The following SLC7A1 variants were observed in gnomAD, a reference collection of about 807,000 sequenced individuals.
SLC7A1 encodes the protein high affinity cationic amino acid transporter 1.
A neutral mutation model predicts 53.9 loss-of-function variants in SLC7A1; 10 were observed. The observed-to-expected ratio is 0.19, with a 90% CI of 0.11 to 0.31. The LOEUF (loss-of-function observed/expected upper bound fraction) is 0.31. Ranked by LOEUF, SLC7A1 falls within the 10% of genes least tolerant of loss-of-function variation. The pLI is 1.00. For missense variants in SLC7A1, 525 were observed against 827.2 expected (o/e 0.63, Z 4.48); for synonymous variants, 342 against 338.7 (o/e 1.01, Z -0.11).
intron 1 of SLC7A1, among the ~76,000 whole-genome samples, chr13:29,567,964 C>T (rs903853394): frequency 2.6e-5 from 4 of 152,084 alleles, no homozygotes; most frequent in African/African-American, 7.2e-5. Flanking sequence ...GAGCTCCCAC[C>T]CAGGGGACAG....
At chr13:29,525,577 C>T (rs954450872) in intron 5 of SLC7A1, among the ~76,000 whole-genome samples, 6 of 152,218 alleles carry the variant, frequency 3.9e-5, no homozygotes, top group Non-Finnish European at 8.8e-5. Context: ...GACCCAACTA[C>T]TTTCTAATGG....
At chr13:29,560,011 G>A (rs918358658) in intron 1 of SLC7A1, among the ~76,000 whole-genome samples, 3 of 151,526 alleles carry the variant, frequency 2.0e-5, no homozygotes, top group Non-Finnish European at 2.9e-5. Context: ...CATTGCACCC[G>A]GACCTTTTTT....
chr13:29,544,380 C>T (rs535807084), intron 2 of SLC7A1, among the ~76,000 whole-genome samples: 2 of 152,278 alleles, frequency 1.3e-5, no homozygotes, highest in African/African-American at 2.4e-5. Flanking sequence ...TGACATGTCA[C>T]GCTTTCAATG....
intron 1 of SLC7A1, among the ~76,000 whole-genome samples, chr13:29,591,823 T>C (rs1004964329): frequency 2.6e-5 from 4 of 152,160 alleles, no homozygotes; most frequent in African/African-American, 9.7e-5. Flanking sequence ...GCGCTTGATT[T>C]TTGGTTGCCA....
At chr13:29,515,013 C>T (rs186245349) in intron 12 of SLC7A1, among the ~76,000 whole-genome samples, 1 of 152,208 alleles carries the variant, frequency 6.6e-6, no homozygotes, top group African/African-American at 2.4e-5. Context: ...CATTTCTCCA[C>T]ATAACTGAGC....
At chr13:29,534,806 A>G (rs558932925) in intron 3 of SLC7A1, among the ~76,000 whole-genome samples, 226 of 7,118 alleles carry the variant, frequency 0.032, no homozygotes, top group African/African-American at 0.069. Flanking sequence ...AAGTTTGAGA[A>G]AAAAAAAAAT....
chr13:29,587,345 C>G (rs138856294), intron 1 of SLC7A1, among the ~76,000 whole-genome samples: 2 of 152,318 alleles, frequency 1.3e-5, no homozygotes, highest in South Asian at 2.1e-4. Context: ...AGCAGGGAAG[C>G]GAGATCCAAA....
In SLC7A1 at chr13:29,519,524, CAG is replaced by C. The variant is rs779664869; in HGVS notation, c.1213_1214del (p.Leu405GlufsTer33). 6.2e-7 allele frequency: 1 copy of C among 1,612,916 alleles called. No individual in the cohort carries two copies. The highest frequency in any genetic ancestry group is 1.1e-5 in the South Asian group (1 of 90,976). The stretch of plus-strand genomic sequence containing the variant: ...TGGACATGAGGTCCACCAAGTCCTT[CAG>C]GTCAAAGAGGAAGGCCATCACAGCT... Reference protein sequence around the residue: ...VAAVMAFLFDLKDLVDLMSIG... With the variant: ...VAAVMAFLFDXKDLVDLMSIG... On this transcript the variant is annotated frameshift_variant, in exon 9 of 13. Transcript: ENST00000380752. LOFTEE classifies it high-confidence loss of function.
intron 1 of SLC7A1, among the ~76,000 whole-genome samples, chr13:29,584,231 A>G (rs994645469): frequency 6.6e-6 from 1 of 151,806 alleles, no homozygotes; most frequent in African/African-American, 2.4e-5. Flanking sequence ...CTCCTGCCTC[A>G]ATCTCCCTAG....
At chr13:29,584,193 A>AACC (rs1871778514) in intron 1 of SLC7A1, among the ~76,000 whole-genome samples, 1 of 151,188 alleles carries the variant, frequency 6.6e-6, no homozygotes, top group Admixed American at 6.6e-5. Flanking sequence ...GTCTCACTGC[A>AACC]ACCTCCACCT....
At chr13:29,535,636 T>C (rs1003555876) in intron 3 of SLC7A1, among the ~76,000 whole-genome samples, 183 bp downstream of exon 3, 3 of 152,352 alleles carry the variant, frequency 2.0e-5, no homozygotes, top group Admixed American at 2.0e-4. Flanking sequence ...GCATTTACTC[T>C]AGTAATTTAA....
chr13:29,587,059 T>TCTGGGGCC (rs1242284317), intron 1 of SLC7A1, among the ~76,000 whole-genome samples: 1 of 151,980 alleles, frequency 6.6e-6, no homozygotes, highest in Non-Finnish European at 1.5e-5. Context: ...AAGGAGAGGG[T>TCTGGGGCC]CTGGGGCCGG....
intron 1 of SLC7A1, among the ~76,000 whole-genome samples, chr13:29,594,143 C>G (rs910530017): frequency 6.6e-6 from 1 of 152,072 alleles, no homozygotes; most frequent in African/African-American, 2.4e-5. Flanking sequence ...CTGAACCAAA[C>G]ATAAAGGGCA....
chr13:29,534,442 G>A (rs543710621), intron 3 of SLC7A1, among the ~76,000 whole-genome samples: 17 of 152,222 alleles, frequency 1.1e-4, no homozygotes, highest in Non-Finnish European at 7.3e-5. Context: ...AGAACCATGT[G>A]TGGTTGTTAA....
intron 2 of SLC7A1, among the ~76,000 whole-genome samples, chr13:29,538,464 C>G (rs769190580): frequency 1.3e-5 from 2 of 152,160 alleles, no homozygotes; most frequent in Non-Finnish European, 2.9e-5. Flanking sequence ...TCAGCAAGCT[C>G]TCATGCCAGA....
At chr13:29,583,945 C>T (rs1871763983) in intron 1 of SLC7A1, among the ~76,000 whole-genome samples, 1 of 152,064 alleles carries the variant, frequency 6.6e-6, no homozygotes, top group Admixed American at 6.5e-5. Flanking sequence ...AAACAAAAAA[C>T]CTAGCTGCTG....
chr13:29,521,059 C>T (rs978276743), intron 8 of SLC7A1, among the ~76,000 whole-genome samples: 20 of 152,186 alleles, frequency 1.3e-4, no homozygotes, highest in Non-Finnish European at 2.6e-4. Flanking sequence ...TCAAATTCCA[C>T]GTAAAGCCTG....
chr13:29,530,659 A>C lies in SLC7A1; in HGVS notation c.583T>G (p.Cys195Gly). 1 of 1,614,174 alleles carries C rather than the reference A, an allele frequency of 6.2e-7. No homozygotes were observed. The highest frequency in any genetic ancestry group is 8.5e-7 in the Non-Finnish European group (1 of 1,179,994). ...ESAMVNKIFT[C>G]INVLVLGFIM... ...AAGCCCAGGACCAGGACGTTAATACAAGTGAATATTTTGTTGACCATGGCC... is the reference window on the plus strand; with the variant it reads ...AAGCCCAGGACCAGGACGTTAATACCAGTGAATATTTTGTTGACCATGGCC... The change falls in exon 5 of 13, where the codon TGT (cysteine) becomes GGT (glycine). Residue 195 changes from cysteine (C) to glycine (G), a missense_variant. By Grantham distance (159) the Cys-to-Gly change is radical (BLOSUM62 -3). Transcript: ENST00000380752.
At chr13:29,516,430 C>A (rs772953209) in intron 11 of SLC7A1, among the ~76,000 whole-genome samples, 184 bp from the exon 12 acceptor site, 8 of 152,236 alleles carry the variant, frequency 5.3e-5, no homozygotes, top group African/African-American at 1.2e-4. Context: ...CAAACACACA[C>A]ACAAACACAC....
Sources: gnomAD v4.1 joint callset for allele counts (sites outside exome capture counted in the v4.1 genomes callset) on GRCh38, gnomAD v4.1.1 for gene constraint, MANE v1.5 for transcripts, NCBI Gene and HGNC (gene_info 2026-07-23, HGNC 2026-07-21) for gene names.